Variants in RPS6KA5 observed in about 807,000 individuals in gnomAD.
RPS6KA5 encodes the protein ribosomal protein S6 kinase A5.
A neutral mutation model predicts 85.5 loss-of-function variants in RPS6KA5; 27 were observed. The observed-to-expected ratio is 0.32, with a 90% CI of 0.23 to 0.44. The LOEUF (loss-of-function observed/expected upper bound fraction) is 0.44, where lower values mean the gene tolerates loss of function less well. Among genes scored for constraint, RPS6KA5 ranks in the 20% least tolerant of loss-of-function variants. RPS6KA5 has a pLI of 1.00. For synonymous variants in RPS6KA5, 334 were observed against 348.2 expected (o/e 0.96, Z 0.46); for missense variants, 811 against 980.9 (o/e 0.83, Z 2.31).
At chr14:90,996,294 C>T (rs886323877) in intron 2 of RPS6KA5, among the ~76,000 whole-genome samples, 1 of 151,768 alleles carries the variant, frequency 6.6e-6, no homozygotes, top group Non-Finnish European at 1.5e-5. Flanking sequence ...ACCTCAGCCT[C>T]TCAAAGTGCT....
At chr14:90,920,413 A>G in intron 6 of RPS6KA5, 104 bp from the exon 7 acceptor site, 1 of 812,506 alleles carries the variant, frequency 1.2e-6, no homozygotes, top group South Asian at 1.7e-5. Context: ...GTTTTAAAAA[A>G]TGATTTTGTA....
In RPS6KA5 at chr14:90,856,159, G is replaced by T. The variant is rs2032274309; in HGVS notation, c.*15915C>A. 1 of 152,176 alleles carries T rather than the reference G, an allele frequency of 6.6e-6. No individual in the cohort carries two copies. The highest frequency in any genetic ancestry group is 2.4e-5 in the African/African-American group (1 of 41,434). 9.4% of individuals were successfully genotyped at this position (152,176 alleles called of 1,614,324 possible). Reference sequence around the variant, plus strand: ...GGAGGTTCCCTTTCTCTGTTAAGCTGGAACTTTGGTGTTTCCTGTAAGAGG... The same window carrying T: ...GGAGGTTCCCTTTCTCTGTTAAGCTTGAACTTTGGTGTTTCCTGTAAGAGG... On this transcript the variant is annotated 3_prime_UTR_variant, in exon 17 of 17. Transcript: ENST00000614987.
In RPS6KA5 at chr14:91,003,522, C is replaced by CAGG. The variant is rs1207794644; in HGVS notation, c.104-2366_104-2364dup. ...ACATAAATTAACACTTTGGCTGCTA[C>CAGG]AGGAGCTCAAGTCTTCTCCAACCTC... On this transcript the variant is annotated intron_variant, in intron 1 of 16. Coordinates refer to ENST00000614987, the MANE Select transcript of RPS6KA5 (RefSeq NM_004755.4). Among the ~76,000 whole-genome samples the CAGG allele has an allele frequency of 3.9e-5, 6 of 152,174 alleles. No homozygotes were observed. The East Asian group carries it at 1.2e-3, about 29-fold the overall frequency.
intron 7 of RPS6KA5, among the ~76,000 whole-genome samples, chr14:90,909,464 T>C (rs1157456065): frequency 3.3e-5 from 5 of 152,226 alleles, no homozygotes; most frequent in African/African-American, 1.2e-4. Flanking sequence ...TTAATCCATA[T>C]AATAATCCTA....
intron 1 of RPS6KA5, among the ~76,000 whole-genome samples, chr14:91,038,779 AGTG>A (rs2042494711): frequency 6.6e-6 from 1 of 152,216 alleles, no homozygotes; most frequent in Non-Finnish European, 1.5e-5. Flanking sequence ...TCTCATGGCC[AGTG>A]CTAATCTAGA....
At chr14:90,935,456 T>C (rs8009873) in intron 5 of RPS6KA5, among the ~76,000 whole-genome samples, 11,550 of 152,252 alleles carry the variant, frequency 0.076, 1,192 homozygotes, top group African/African-American at 0.23. Context: ...GTCTGTATGA[T>C]AATTCTATAA....
rs1374352462 is a variant in RPS6KA5, at chr14:90,865,536, G to T, written c.*6538C>A. ...TGATCTGAATGATGGTTATATGGGC[G>T]CATATATATGTAAACATTTATTGAG... On this transcript the variant is annotated 3_prime_UTR_variant, in exon 17 of 17. Coordinates refer to ENST00000614987, the MANE Select transcript of RPS6KA5 (RefSeq NM_004755.4). 6.6e-6 allele frequency: 1 copy of T among 152,188 alleles called. No individual in the cohort carries two copies. The allele number at this position is 152,188 out of a possible 1,614,324, so 9.4% of individuals were successfully genotyped here. A position where few individuals can be genotyped will look rare whatever the true frequency, so the allele number is the denominator to read the frequency against.
chr14:90,906,141 A>C lies in RPS6KA5; in HGVS notation c.957+8T>G. 1 of 1,586,754 alleles carries C rather than the reference A, an allele frequency of 6.3e-7. No homozygotes were observed. The highest frequency in any genetic ancestry group is 8.6e-7 in the Non-Finnish European group (1 of 1,160,644). ...GTATGAAACCATTTATCTATTCAAT[A>C]ATTTCACCTGAAAGAAGAGATGTTC... On this transcript the variant is annotated splice_region_variant and intron_variant, in intron 8 of 16. Transcript: ENST00000614987.
chr14:90,874,615 TA>T lies in RPS6KA5; in HGVS notation c.1996+585del, dbSNP rs1354099034. 8.5e-5 allele frequency among the ~76,000 whole-genome samples: 13 copies of T among 152,234 alleles called. No individual in the cohort carries two copies. In the East Asian group the frequency reaches 2.5e-3, roughly 29 times the overall value. ...TTGGCAGAAAAGAGGCATAATCACA[TA>T]GGGATTCTAGAAAAGTCCCTCTATT... On this transcript the variant is annotated intron_variant, in intron 15 of 16. Coordinates refer to ENST00000614987, the MANE Select transcript of RPS6KA5 (RefSeq NM_004755.4).
At chr14:90,979,681 C>A (rs2039712114) in intron 2 of RPS6KA5, among the ~76,000 whole-genome samples, 1 of 152,246 alleles carries the variant, frequency 6.6e-6, no homozygotes, top group Admixed American at 6.5e-5. Context: ...ACTAATAATC[C>A]TGAGAAGGAG....
Position 90,875,246 on chromosome 14 carries a change from C to G in RPS6KA5, c.1951G>C (p.Glu651Gln). Residue 651 changes from glutamate (E) to glutamine (Q), a missense_variant, in exon 15 of 17, where the codon GAA (glutamate) becomes CAA (glutamine). Coordinates refer to ENST00000614987, the MANE Select transcript of RPS6KA5 (RefSeq NM_004755.4). ...TCTTGGGATACATTCTTCCAGGCTT[C>G]TCCTTCAAAGGAGAAATCTCCCTTT... is the stretch of plus-strand genomic sequence containing the variant. ...IKKGDFSFEG[E>Q]AWKNVSQEAK... 2.5e-6 allele frequency: 4 copies of G among 1,613,960 alleles called. No individual in the cohort carries two copies. The highest frequency in any genetic ancestry group is 3.4e-6 in the Non-Finnish European group (4 of 1,179,902).
At chr14:91,025,907 T>C (rs1227016783) in intron 1 of RPS6KA5, among the ~76,000 whole-genome samples, 2 of 152,000 alleles carry the variant, frequency 1.3e-5, no homozygotes, top group Admixed American at 6.6e-5. Flanking sequence ...TACAGTGTAA[T>C]GCTGAGATGT....
intron 2 of RPS6KA5, among the ~76,000 whole-genome samples, chr14:90,979,666 G>A (rs1382807065): frequency 6.6e-6 from 1 of 152,234 alleles, no homozygotes; most frequent in Admixed American, 6.5e-5. Context: ...AGAGATCAGT[G>A]AAAGACTAAT....
intron 2 of RPS6KA5, among the ~76,000 whole-genome samples, chr14:90,999,989 G>A (rs1439774172): frequency 2.6e-5 from 4 of 152,190 alleles, no homozygotes; most frequent in African/African-American, 9.6e-5. Context: ...GTTGAGATGA[G>A]GTCTCACTAT....
intron 14 of RPS6KA5, among the ~76,000 whole-genome samples, chr14:90,877,756 A>AC (rs1280824877): frequency 6.6e-6 from 1 of 152,082 alleles, no homozygotes; most frequent in Non-Finnish European, 1.5e-5. Context: ...CTAGAGTATA[A>AC]CCCAGTTACC....
At chr14:91,044,815 G>A (rs1319416242) in intron 1 of RPS6KA5, among the ~76,000 whole-genome samples, 2 of 150,380 alleles carry the variant, frequency 1.3e-5, no homozygotes, top group African/African-American at 4.9e-5. Context: ...AGGTTGCAGT[G>A]AGCCGAGACC....
chr14:90,990,057 AAGATGAGCACT>A (rs2040237286), intron 2 of RPS6KA5, among the ~76,000 whole-genome samples: 1 of 152,292 alleles, frequency 6.6e-6, no homozygotes, highest in South Asian at 2.1e-4. Flanking sequence ...GGTGGAAAAA[AAGATGAGCACT>A]ACCAATGGGG....
intron 5 of RPS6KA5, among the ~76,000 whole-genome samples, chr14:90,936,390 C>T (rs2037256562): frequency 6.6e-6 from 1 of 152,010 alleles, no homozygotes; most frequent in African/African-American, 2.4e-5. Flanking sequence ...ATGGTGAAAC[C>T]TAGTCTCTGC....
intron 1 of RPS6KA5, among the ~76,000 whole-genome samples, chr14:91,055,550 TG>T (rs555374353): frequency 2.5e-4 from 38 of 152,210 alleles, no homozygotes; most frequent in African/African-American, 8.7e-4. Context: ...GAGGCCCAGG[TG>T]GGATGATCTC....
Sources: gnomAD v4.1 joint callset for allele counts (sites outside exome capture counted in the v4.1 genomes callset) on GRCh38, gnomAD v4.1.1 for gene constraint, MANE v1.5 for transcripts, NCBI Gene and HGNC (gene_info 2026-07-23, HGNC 2026-07-21) for gene names.